Variants in NAP1L1 observed in about 807,000 individuals in gnomAD.
NAP1L1 encodes nucleosome assembly protein 1-like 1.
NAP1L1 carries 9 observed loss-of-function variants against 58.9 expected under a neutral mutation model. That is an observed-to-expected ratio of 0.15 (90% CI 0.09 to 0.27). NAP1L1 has a LOEUF of 0.27. Ranked by LOEUF, NAP1L1 falls within the 10% of genes least tolerant of loss-of-function variation. The pLI is 1.00. For synonymous variants in NAP1L1, 130 were observed against 138.3 expected, an observed-to-expected ratio of 0.94 and a Z score of 0.42; for missense variants, 302 against 458.8, an observed-to-expected ratio of 0.66 and a Z score of 3.12.
chr12:76,067,029 G>C (rs552696568), intron 4 of NAP1L1, among the ~76,000 whole-genome samples: 1 of 152,032 alleles, frequency 6.6e-6, no homozygotes, highest in Non-Finnish European at 1.5e-5. Context: ...TGTAAGCTGA[G>C]TAAGATATTC....
chr12:76,076,511 G>A (rs1208544035), intron 1 of NAP1L1, among the ~76,000 whole-genome samples: 1 of 143,464 alleles, frequency 7.0e-6, no homozygotes, highest in Non-Finnish European at 1.5e-5. Context: ...ACTAAAGCAA[G>A]GTATAGGATG....
intron 1 of NAP1L1, among the ~76,000 whole-genome samples, chr12:76,076,725 TAC>T (rs1248544632): frequency 1.3e-5 from 2 of 151,986 alleles, no homozygotes; most frequent in Non-Finnish European, 2.9e-5. Flanking sequence ...CATTCACCAT[TAC>T]AGTCATGTGT....
intron 2 of NAP1L1, among the ~76,000 whole-genome samples, chr12:76,072,946 AAAC>A (rs1436782017): frequency 4.6e-5 from 7 of 152,214 alleles, no homozygotes; most frequent in African/African-American, 1.7e-4. Context: ...GAGATATGGC[AAAC>A]AACAAACCCA....
intron 1 of NAP1L1, 172 bp from the exon 2 acceptor site, chr12:76,074,411 T>C: frequency 1.1e-6 from 1 of 951,216 alleles, no homozygotes; most frequent in Non-Finnish European, 1.3e-6. Flanking sequence ...ATGCAAATTC[T>C]TCCTTACTAG....
intron 6 of NAP1L1, chr12:76,058,211 ATATATATATATATG>A (rs1241654779): frequency 6.3e-4 from 106 of 168,448 alleles, no homozygotes; most frequent in South Asian, 4.4e-3. Flanking sequence ...ATATATATAT[ATATATATATATATG>A]TATTCTACAG....
chr12:76,043,853 G>T lies in NAP1L1; in HGVS notation c.*4576C>A, dbSNP rs986765459. 1 of 152,142 alleles carries T rather than the reference G, an allele frequency of 6.6e-6. No individual in the cohort carries two copies. The highest frequency in any genetic ancestry group is 2.4e-5 in the African/African-American group (1 of 41,408). 9.4% of individuals were successfully genotyped at this position (152,142 alleles called of 1,614,324 possible). ...TTACAACCTCATGAAATTTACCAGA[G>T]CCGCAATTGCCTAATACATTATGAA... On this transcript the variant is annotated 3_prime_UTR_variant, in exon 15 of 15. Coordinates refer to ENST00000618691, the MANE Select transcript of NAP1L1 (RefSeq NM_004537.7).
rs1948668313 is a variant in NAP1L1, at chr12:76,048,309, C to T, written c.*120G>A. ...GTCTTTAAAATATCAGTTTCCTGTC[C>T]TTTAAAAAAAAATTACCTAGTCTAC... On this transcript the variant is annotated 3_prime_UTR_variant, in exon 15 of 15. Transcript: ENST00000618691. 8.7e-7 allele frequency: 1 copy of T among 1,150,384 alleles called. No individual in the cohort carries two copies. Among genetic ancestry groups the T allele is most frequent in the Non-Finnish European group, 1.2e-6 (1 of 800,138 alleles). The allele number at this position is 1,150,384 out of a possible 1,614,324, so 71.3% of individuals were successfully genotyped here. A position where few individuals can be genotyped will look rare whatever the true frequency, so the allele number is the denominator to read the frequency against.
At position 76,070,214 on chromosome 12, in the gene NAP1L1, C is replaced by G. The variant is rs145134019; in HGVS notation, c.18-1220G>C. On this transcript the variant is annotated intron_variant, in intron 2 of 14. Transcript: ENST00000618691. ...CTCAGCTCACTGCAACCTCTGCCCCCCAAGCTCAAGCAATTCTCGTGCCTC... is the reference window on the plus strand; with the variant it reads ...CTCAGCTCACTGCAACCTCTGCCCCGCAAGCTCAAGCAATTCTCGTGCCTC... Among the ~76,000 whole-genome samples, 751 of 152,242 alleles carry G rather than the reference C, an allele frequency of 4.9e-3. 3 individuals carry two copies. The highest frequency in any genetic ancestry group is 7.7e-3 in the Non-Finnish European group (525 of 68,018).
intron 6 of NAP1L1, chr12:76,057,105 A>C (rs1350998365): frequency 1.1e-5 from 2 of 184,500 alleles, no homozygotes; most frequent in Admixed American, 1.1e-4. Context: ...GTCTAAGACC[A>C]GCCTAGGCAA....
intron 1 of NAP1L1, among the ~76,000 whole-genome samples, chr12:76,076,317 T>C (rs1342158647): frequency 6.6e-6 from 1 of 152,116 alleles, no homozygotes; most frequent in Non-Finnish European, 1.5e-5. Flanking sequence ...TGACCTATGG[T>C]CTGTCTCTCC....
At position 76,074,203 on chromosome 12, in the gene NAP1L1, T is replaced by A. The variant is rs754821092; in HGVS notation, c.17A>T (p.Asn6Ile). 6.2e-7 allele frequency: 1 copy of A among 1,601,748 alleles called. No individual in the cohort carries two copies. The highest frequency in any genetic ancestry group is 8.5e-7 in the Non-Finnish European group (1 of 1,172,456). Residue 6 changes from asparagine (N) to isoleucine (I), a missense_variant and splice_region_variant, in exon 2 of 15, where the codon AAC becomes ATC. Coordinates refer to ENST00000618691, the MANE Select transcript of NAP1L1 (RefSeq NM_004537.7). ...AAAGAACCAACTCTCTGCCACTTAC[T>A]TGTCAATGTCTGCCATGTTGTAAGA... MADID[N>I]KEQSELDQDL... is the part of the protein sequence containing the mutation.
chr12:76,050,750 A>C, intron 11 of NAP1L1, 97 bp from the exon 12 acceptor site: 1 of 1,328,376 alleles, frequency 7.5e-7, no homozygotes, highest in Non-Finnish European at 1.0e-6. Flanking sequence ...GTGATGGCTC[A>C]CAACTGTAGT....
intron 11 of NAP1L1, among the ~76,000 whole-genome samples, chr12:76,051,789 C>T (rs1403936791): frequency 1.3e-5 from 2 of 152,106 alleles, no homozygotes; most frequent in African/African-American, 2.4e-5. Flanking sequence ...CCAAGGCAGG[C>T]AGATTACCTG....
At chr12:76,068,054 T>C (rs1316777370) in intron 3 of NAP1L1, among the ~76,000 whole-genome samples, 1 of 152,184 alleles carries the variant, frequency 6.6e-6, no homozygotes, top group Non-Finnish European at 1.5e-5. Flanking sequence ...AATCCAAATA[T>C]GCACTAGACT....
Position 76,076,549 on chromosome 12 carries a change from A to AATAT in NAP1L1, c.-20-2314_-20-2311dup, listed in dbSNP as rs58649228. Among the ~76,000 whole-genome samples, 918 of 120,136 alleles carry AATAT rather than the reference A, an allele frequency of 7.6e-3. 6 individuals carry two copies. The highest frequency in any genetic ancestry group is 0.01 in the African/African-American group (319 of 30,484). The allele number at this position is 120,136 out of a possible 152,430, so 78.8% of individuals were successfully genotyped here. ...TGCCGAAATCCCCTTTGGATATGGA[A>AATAT]ATATATATATATATATATATATATA... On this transcript the variant is annotated intron_variant, in intron 1 of 14. Transcript: ENST00000618691.
chr12:76,053,694 A>G, intron 9 of NAP1L1, 76 bp downstream of exon 9: 1 of 1,518,048 alleles, frequency 6.6e-7, no homozygotes, highest in African/African-American at 1.4e-5. Context: ...TATGTAACTG[A>G]AAATAACCGA....
At chr12:76,050,415 A>G in intron 12 of NAP1L1, 116 bp downstream of exon 12, 1 of 1,283,218 alleles carries the variant, frequency 7.8e-7, no homozygotes, top group South Asian at 1.7e-5. Context: ...ATCAGTAATT[A>G]GCCTAATTTT....
chr12:76,043,909 T>C lies in NAP1L1; in HGVS notation c.*4520A>G, dbSNP rs1948574165. 6.6e-6 allele frequency: 1 copy of C among 152,218 alleles called. No individual in the cohort carries two copies. Among genetic ancestry groups the C allele is most frequent in the African/African-American group, 2.4e-5 (1 of 41,446 alleles). 9.4% of individuals were successfully genotyped at this position (152,218 alleles called of 1,614,324 possible). A position where few individuals can be genotyped will look rare whatever the true frequency, so the allele number is the denominator to read the frequency against. The stretch of plus-strand genomic sequence containing the variant: ...AAATTATGAATAAGACCTTCAACTC[T>C]GGATATGAGATCTGTCGACTTCTGG... On this transcript the variant is annotated 3_prime_UTR_variant, in exon 15 of 15. Coordinates refer to ENST00000618691, the MANE Select transcript of NAP1L1 (RefSeq NM_004537.7).
At chr12:76,077,262 A>G (rs1950215220) in intron 1 of NAP1L1, among the ~76,000 whole-genome samples, 1 of 152,228 alleles carries the variant, frequency 6.6e-6, no homozygotes, top group Non-Finnish European at 1.5e-5. Flanking sequence ...ACTCCTCCAG[A>G]GAAGGCTGCT....
Sources: allele counts gnomAD v4.1 joint callset (sites outside exome capture counted in the v4.1 genomes callset), GRCh38; gene constraint gnomAD v4.1.1; transcripts MANE v1.5; gene names NCBI Gene and HGNC (gene_info 2026-07-23, HGNC 2026-07-21).